ZNF326: variants seen among roughly 807,000 people sequenced by gnomAD.
ZNF326 encodes zinc finger protein 326.
In ZNF326, 30 loss-of-function variants were observed where a neutral mutation model predicts 63.1. The ratio of observed to expected loss-of-function variants is 0.48; its 90% CI spans 0.36 to 0.64. The LOEUF is 0.64. ZNF326 is among the 30% of genes least tolerant of loss of function. The probability of loss-of-function intolerance (pLI) is 0.00; values close to 1 mark genes in which losing one functional copy is unlikely to be tolerated. For missense variants in ZNF326, 609 were observed against 720.3 expected (o/e 0.85, Z 1.77); for synonymous variants, 194 against 228.2 (o/e 0.85, Z 1.35).
intron 7 of ZNF326, 73 bp from the exon 8 acceptor site, chr1:90,017,244 A>G (rs41296161): frequency 0.03 from 31,700 of 1,052,740 alleles, 559 homozygotes; most frequent in Non-Finnish European, 0.036. Flanking sequence ...ATTAGTTTCA[A>G]TGTTATATTC....
intron 5 of ZNF326, among the ~76,000 whole-genome samples, chr1:90,009,570 A>T (rs1649141740): frequency 6.6e-6 from 1 of 152,178 alleles, no homozygotes; most frequent in South Asian, 2.1e-4. Flanking sequence ...CTCCTATTTC[A>T]TACTAATGTT....
Position 90,007,903 on chromosome 1 carries a change from A to G in ZNF326, c.615+153A>G, listed in dbSNP as rs190304070. ...AAACATAATTTTTAGGTTGACTGTA[A>G]AAGTTTTTCTAGCACCTCAGAAAAT... On this transcript the variant is annotated intron_variant, in intron 5 of 11. Transcript: ENST00000340281. The surrounding 1 kb of genome is among the most constrained non-coding windows in gnomAD (Gnocchi z 4.9). Among the ~76,000 whole-genome samples the G allele has an allele frequency of 5.3e-5, 8 of 152,312 alleles. No individual in the cohort carries two copies. Among genetic ancestry groups the G allele is most frequent in the Admixed American group, 5.2e-4 (8 of 15,300 alleles).
chr1:89,995,374 C>T lies in ZNF326; in HGVS notation c.16+101C>T, dbSNP rs1648301636. ...TCAAGATGGCCGTGTGGGCTTTGTT[C>T]TGCGGGCCCGGAGGCCGCCCGCCCG... On this transcript the variant is annotated intron_variant, in intron 1 of 11. Transcript: ENST00000340281. The T allele has an allele frequency of 5.6e-6, 8 of 1,419,202 alleles. No homozygotes were observed. The East Asian group carries it at 9.0e-5, about 16-fold the overall frequency. The allele number at this position is 1,419,202 out of a possible 1,614,324, so 87.9% of individuals were successfully genotyped here. A position where few individuals can be genotyped will look rare whatever the true frequency, so the allele number is the denominator to read the frequency against.
In ZNF326 at chr1:90,007,499, T is replaced by C; in HGVS notation, c.364T>C (p.Phe122Leu). The C allele has an allele frequency of 6.2e-7, 1 of 1,614,094 alleles. No homozygotes were observed. The highest frequency in any genetic ancestry group is 8.5e-7 in the Non-Finnish European group (1 of 1,180,012). Residue 122 changes from phenylalanine (F) to leucine (L), a missense_variant, in exon 5 of 12, where the codon TTC (phenylalanine) becomes CTC (leucine). Coordinates refer to ENST00000340281, the MANE Select transcript of ZNF326 (RefSeq NM_182976.4). This position sits in a 1 kb window ranked among gnomAD's most constrained non-coding sequence, Gnocchi z 4.9. ...ESSYRNSLDSFGGRNQGGSSW... is the reference protein window; with the variant it reads ...ESSYRNSLDSLGGRNQGGSSW... ...CTCCTACCGGAATAGCCTTGACTCT[T>C]TCGGAGGTAGAAACCAGGGCGGGTC...
intron 7 of ZNF326, among the ~76,000 whole-genome samples, chr1:90,014,290 A>C (rs984597248): frequency 3.3e-5 from 5 of 152,188 alleles, no homozygotes; most frequent in Admixed American, 2.0e-4. Flanking sequence ...ATTTGAAAGG[A>C]GTGCAAACAG....
Position 90,007,675 on chromosome 1 carries a change from T to C in ZNF326, c.540T>C (p.Tyr180=). ...CTCGGGGGAGAGGAACGCCTGCTTA[T>C]CCTGAAAGTACGTTTGGAAGCAGAA... ...VGSRGRGTPA[Y]PESTFGSRNY... The change falls in exon 5 of 12, where the codon TAT becomes TAC. Residue 180 remains tyrosine, a synonymous_variant. Transcript: ENST00000340281. This position sits in a 1 kb window ranked among gnomAD's most constrained non-coding sequence, Gnocchi z 4.9. The C allele has an allele frequency of 6.6e-7, 1 of 1,523,176 alleles. No homozygotes were observed. The highest frequency in any genetic ancestry group is 8.8e-7 in the Non-Finnish European group (1 of 1,137,006). The allele number at this position is 1,523,176 out of a possible 1,614,324, so 94.4% of individuals were successfully genotyped here.
In ZNF326 at chr1:90,027,449, AGAG is replaced by A; in HGVS notation, c.1503_1505del (p.Glu501del). 1 of 1,613,560 alleles carries A rather than the reference AGAG, an allele frequency of 6.2e-7. No homozygotes were observed. Among genetic ancestry groups the A allele is most frequent in the Non-Finnish European group, 8.5e-7 (1 of 1,179,604 alleles). On this transcript the variant is annotated inframe_deletion, in exon 12 of 12. Coordinates refer to ENST00000340281, the MANE Select transcript of ZNF326 (RefSeq NM_182976.4). ...AGAAGATTGATGAACCTATTGAAGAAGAGGAGGATGAAGATGAGGAAGAAGAAG... is the reference window on the plus strand; with the variant it reads ...AGAAGATTGATGAACCTATTGAAGAAGAGGATGAAGATGAGGAAGAAGAAG...
At chr1:90,004,884 G>T in intron 2 of ZNF326, 119 bp from the exon 3 acceptor site, 4 of 476,038 alleles carry the variant, frequency 8.4e-6, no homozygotes, top group East Asian at 7.7e-5. Context: ...TGTGAATTTA[G>T]TTTAAATGTT....
intron 2 of ZNF326, among the ~76,000 whole-genome samples, chr1:90,004,474 T>C (rs1443343033): frequency 6.6e-6 from 1 of 152,252 alleles, no homozygotes; most frequent in Non-Finnish European, 1.5e-5. Context: ...ATAGGAATTA[T>C]GTATCATTAA....
At chr1:90,017,574 CTATT>C in intron 8 of ZNF326, 110 bp downstream of exon 8, 1 of 1,000,572 alleles carries the variant, frequency 1.0e-6, no homozygotes, top group Non-Finnish European at 1.4e-6. Flanking sequence ...TTTTAATTTA[CTATT>C]TAAAGAAAGA....
At chr1:90,001,347 C>A (rs1314262859) in intron 2 of ZNF326, among the ~76,000 whole-genome samples, 1 of 152,048 alleles carries the variant, frequency 6.6e-6, no homozygotes, top group African/African-American at 2.4e-5. Flanking sequence ...AACATTTTGT[C>A]AGAATTATTG....
At position 90,016,548 on chromosome 1, in the gene ZNF326, C is replaced by T. The variant is rs765367292; in HGVS notation, c.927-769C>T. Among the ~76,000 whole-genome samples, 9 of 151,974 alleles carry T rather than the reference C, an allele frequency of 5.9e-5. No individual in the cohort carries two copies. The South Asian group carries it at 6.2e-4, about 11-fold the overall frequency. ...CTGGCCAAGGTGGCAAAAACCCTGT[C>T]TCTACTAAAAATATAAAAATTAGCC... On this transcript the variant is annotated intron_variant, in intron 7 of 11. Transcript: ENST00000340281.
At chr1:90,002,675 T>C (rs1055769807) in intron 2 of ZNF326, among the ~76,000 whole-genome samples, 1 of 152,194 alleles carries the variant, frequency 6.6e-6, no homozygotes, top group Non-Finnish European at 1.5e-5. Flanking sequence ...AAAACATGGA[T>C]AGTTTGAATT....
Position 90,035,057 on chromosome 1 carries a change from A to G in ZNF326, c.*7356A>G, listed in dbSNP as rs1650427635. ...TTTCCTAAGATTGAACACATTCCAG[A>G]TTTAAATTTTTCAGGCTGAGAATAG... On this transcript the variant is annotated 3_prime_UTR_variant, in exon 12 of 12. Transcript: ENST00000340281. 1.3e-5 allele frequency: 2 copies of G among 152,332 alleles called. No homozygotes were observed. The highest frequency in any genetic ancestry group is 4.1e-4 in the South Asian group (2 of 4,830). The allele number at this position is 152,332 out of a possible 1,614,324, so 9.4% of individuals were successfully genotyped here.
intron 6 of ZNF326, among the ~76,000 whole-genome samples, chr1:90,010,859 T>G (rs1649201338): frequency 6.6e-6 from 1 of 152,160 alleles, no homozygotes; most frequent in African/African-American, 2.4e-5. Context: ...TTAAATTACT[T>G]TCTCATCAGG....
chr1:89,999,061 G>A (rs1648541323), intron 2 of ZNF326, among the ~76,000 whole-genome samples: 1 of 152,184 alleles, frequency 6.6e-6, no homozygotes, highest in Admixed American at 6.5e-5. Context: ...GTATTTGTGA[G>A]CTGGAAATTG....
intron 10 of ZNF326, among the ~76,000 whole-genome samples, chr1:90,021,939 C>T (rs958122256): frequency 1.4e-4 from 21 of 151,690 alleles, no homozygotes; most frequent in East Asian, 5.8e-4. Flanking sequence ...TTTTTGACAG[C>T]GTGAAAATTA....
intron 5 of ZNF326, among the ~76,000 whole-genome samples, chr1:90,008,527 C>T (rs1333183071): frequency 2.0e-5 from 3 of 152,066 alleles, no homozygotes; most frequent in African/African-American, 4.8e-5. Flanking sequence ...AAACATTATG[C>T]TTTATGTTCT....
intron 7 of ZNF326, among the ~76,000 whole-genome samples, chr1:90,014,064 CA>C (rs796712820): frequency 0.01 from 1,334 of 127,524 alleles, 10 homozygotes; most frequent in African/African-American, 0.035. Context: ...GACTCTGTCT[CA>C]AAAAAAAAAA....
Sources: allele counts gnomAD v4.1 joint callset (sites outside exome capture counted in the v4.1 genomes callset), GRCh38; gene constraint gnomAD v4.1.1; non-coding constraint Gnocchi (gnomAD v3.1); transcripts MANE v1.5; gene names NCBI Gene and HGNC (gene_info 2026-07-23, HGNC 2026-07-21).